Variants in CLNK observed in about 807,000 individuals in gnomAD.
The protein encoded by CLNK is cytokine-dependent hematopoietic cell linker.
In CLNK, 74 loss-of-function variants were observed where a neutral mutation model predicts 68.6. The observed-to-expected ratio is 1.08, with a 90% CI of 0.89 to 1.31. The LOEUF is 1.31. Among genes scored for constraint, CLNK ranks in the 50% most tolerant of loss-of-function variants. CLNK has a pLI of 0.00. For synonymous variants in CLNK, 198 were observed against 172.2 expected (o/e 1.15, Z -1.17); for missense variants, 553 against 515.3 (o/e 1.07, Z -0.71).
chr4:10,711,990 G>A, the CLNK span, among the ~76,000 whole-genome samples: 9 of 152,098 alleles, frequency 5.9e-5, no homozygotes, highest in Non-Finnish European at 1.2e-4. Flanking sequence ...AATGGATATC[G>A]CGTTTCAAAG....
At chr4:10,612,175 G>GA (rs1722057925) in intron 2 of CLNK, among the ~76,000 whole-genome samples, 1 of 152,036 alleles carries the variant, frequency 6.6e-6, no homozygotes, top group African/African-American at 2.4e-5. Flanking sequence ...ATCTCTCAGC[G>GA]AAAAAAATGA....
At chr4:10,704,717 A>G in the CLNK span, among the ~76,000 whole-genome samples, 1 of 152,216 alleles carries the variant, frequency 6.6e-6, no homozygotes, top group Non-Finnish European at 1.5e-5. Context: ...CCTGTGCTCA[A>G]CATACTAGGC....
At position 10,684,628 on chromosome 4, in the gene CLNK, A is replaced by G. The variant is rs148033323; in HGVS notation, c.-43+40T>C. The G allele has an allele frequency of 3.3e-5, 5 of 152,274 alleles. No individual in the cohort carries two copies. The East Asian group carries it at 9.7e-4, about 29-fold the overall frequency. The allele number at this position is 152,274 out of a possible 1,614,324, so 9.4% of individuals were successfully genotyped here. On this transcript the variant is annotated intron_variant, in intron 1 of 18. Coordinates refer to ENST00000226951, the MANE Select transcript of CLNK (RefSeq NM_052964.4). ...GATCATTTATGACAAGGAGATGACC[A>G]TGAGATCCTCACTCAGAAGAACTGG...
chr4:10,650,669 G>A (rs1475278977), intron 2 of CLNK, among the ~76,000 whole-genome samples: 1 of 151,928 alleles, frequency 6.6e-6, no homozygotes, highest in Admixed American at 6.6e-5. Flanking sequence ...GAAAATAAAG[G>A]CTTTTTTAGC....
chr4:10,646,715 G>A (rs370232983), intron 2 of CLNK, among the ~76,000 whole-genome samples: 6 of 151,928 alleles, frequency 3.9e-5, no homozygotes, highest in African/African-American at 1.5e-4. Context: ...ATGTAAGCCT[G>A]AACATAATCA....
At chr4:10,673,655 C>A (rs766564609) in intron 1 of CLNK, among the ~76,000 whole-genome samples, 1 of 143,484 alleles carries the variant, frequency 7.0e-6, no homozygotes, top group African/African-American at 2.6e-5. Flanking sequence ...ACATCACACA[C>A]TGGGGCCTGT....
intron 3 of CLNK, among the ~76,000 whole-genome samples, chr4:10,590,175 A>G (rs1221305170): frequency 6.6e-6 from 1 of 152,250 alleles, no homozygotes; most frequent in Non-Finnish European, 1.5e-5. Context: ...AAAGCTCATT[A>G]CAAATACAGA....
the CLNK span, among the ~76,000 whole-genome samples, chr4:10,716,686 C>CTTTTTTTTTTTTTTTTTTTT: frequency 7.5e-6 from 1 of 132,922 alleles, no homozygotes; most frequent in Non-Finnish European, 1.6e-5. Context: ...AGACAGAAAA[C>CTTTTTTTTTTTTTTTTTTTT]TTTTTTTTTT....
chr4:10,688,096 C>T (rs1023298371), upstream of CLNK, among the ~76,000 whole-genome samples: 3 of 152,150 alleles, frequency 2.0e-5, no homozygotes, highest in African/African-American at 7.2e-5. Flanking sequence ...TACTTACCTC[C>T]TGCAATGGGC....
chr4:10,652,418 TC>T (rs1319872736), intron 2 of CLNK, among the ~76,000 whole-genome samples: 1 of 137,478 alleles, frequency 7.3e-6, no homozygotes, highest in Non-Finnish European at 1.6e-5. Flanking sequence ...AAAAAAGACA[TC>T]TGTTTCACTA....
intron 2 of CLNK, among the ~76,000 whole-genome samples, chr4:10,610,033 G>GTTTTTTT (rs71181047): frequency 5.4e-5 from 4 of 73,450 alleles, no homozygotes; most frequent in African/African-American, 1.9e-4. Flanking sequence ...ATGAATGCTC[G>GTTTTTTT]TTTTTTTTTT....
At chr4:10,583,661 A>C (rs759091534) in intron 4 of CLNK, among the ~76,000 whole-genome samples, 12 of 151,910 alleles carry the variant, frequency 7.9e-5, no homozygotes, top group African/African-American at 1.2e-4. Context: ...TGTAGGTTCG[A>C]GTGTGTATGA....
chr4:10,532,280 C>G lies in CLNK; in HGVS notation c.606G>C (p.Gln202His). ...TFPEVQRMPS[Q>H]ISLRDLSEVL... Reference sequence around the variant, plus strand: ...CCTCACTTAAGTCCCTTAAGCTTATCTGACTGCAAGAAAAAGAAATACGGT... The same window carrying G: ...CCTCACTTAAGTCCCTTAAGCTTATGTGACTGCAAGAAAAAGAAATACGGT... Residue 202 changes from glutamine (Q) to histidine (H), a missense_variant, in exon 12 of 19, where the codon CAG becomes CAC. By Grantham distance (24) the Gln-to-His change is conservative (BLOSUM62 0). Transcript: ENST00000226951. 3 of 1,609,646 alleles carry G rather than the reference C, an allele frequency of 1.9e-6. No homozygotes were observed. Among genetic ancestry groups the G allele is most frequent in the Non-Finnish European group, 2.5e-6 (3 of 1,176,834 alleles).
At chr4:10,512,775 A>G (rs1401366694) in intron 16 of CLNK, among the ~76,000 whole-genome samples, 1 of 151,560 alleles carries the variant, frequency 6.6e-6, no homozygotes, top group Non-Finnish European at 1.5e-5. Flanking sequence ...TTTACAGTGA[A>G]AGACTTTAGT....
intron 1 of CLNK, among the ~76,000 whole-genome samples, chr4:10,671,815 C>T (rs1039375752): frequency 6.6e-6 from 1 of 152,012 alleles, no homozygotes; most frequent in Non-Finnish European, 1.5e-5. Flanking sequence ...TAATGTATAC[C>T]CTGATCCATT....
intron 11 of CLNK, among the ~76,000 whole-genome samples, chr4:10,540,276 A>C (rs900395822): frequency 6.6e-6 from 1 of 152,198 alleles, no homozygotes; most frequent in African/African-American, 2.4e-5. Context: ...CATGATTGTA[A>C]GTTTCGTGAG....
chr4:10,501,120 TG>T, intron 18 of CLNK, 135 bp downstream of exon 18: 1 of 833,850 alleles, frequency 1.2e-6, no homozygotes, highest in Non-Finnish European at 1.8e-6. Context: ...CAGATATTTG[TG>T]GAAGGGGTGG....
chr4:10,555,197 A>G (rs1279877078), intron 8 of CLNK, among the ~76,000 whole-genome samples: 1 of 152,090 alleles, frequency 6.6e-6, no homozygotes, highest in African/African-American at 2.4e-5. Context: ...TCACTAGCCT[A>G]GGCATAATTT....
At chr4:10,593,619 A>C (rs1052351916) in intron 3 of CLNK, among the ~76,000 whole-genome samples, 1 of 152,126 alleles carries the variant, frequency 6.6e-6, no homozygotes, top group Non-Finnish European at 1.5e-5. Flanking sequence ...GCACCACTGC[A>C]CTCCACCCTG....
Sources: allele counts gnomAD v4.1 joint callset (sites outside exome capture counted in the v4.1 genomes callset), GRCh38; gene constraint gnomAD v4.1.1; transcripts MANE v1.5; gene names NCBI Gene and HGNC (gene_info 2026-07-23, HGNC 2026-07-21).